Variants in MED7 observed in about 807,000 individuals in gnomAD.
The protein encoded by MED7 is mediator of RNA polymerase II transcription subunit 7.
A neutral mutation model predicts 16.6 loss-of-function variants in MED7; 7 were observed. The ratio of observed to expected loss-of-function variants is 0.42; its 90% CI spans 0.24 to 0.79. The LOEUF is 0.79. Among genes scored for constraint, MED7 ranks in the 30% least tolerant of loss-of-function variants. The probability of loss-of-function intolerance (pLI) is 0.27; values close to 1 mark genes in which losing one functional copy is unlikely to be tolerated. For synonymous variants in MED7, 88 were observed against 90.5 expected (o/e 0.97, Z 0.16); for missense variants, 240 against 286.3 (o/e 0.84, Z 1.17).
Position 157,139,977 on chromosome 5 carries a change from C to G in MED7, c.-17-529G>C, listed in dbSNP as rs546820366. Among the ~76,000 whole-genome samples the G allele has an allele frequency of 1.5e-3, 223 of 152,298 alleles. 6 individuals are homozygous for G. Among genetic ancestry groups the G allele is most frequent in the Middle Eastern group, 3.4e-3 (1 of 294 alleles). The stretch of plus-strand genomic sequence containing the variant: ...ATTCAGTTCCATACCCTTTTTGTCA[C>G]AGTATACTATGCAATTTTATATGGA... On this transcript the variant is annotated intron_variant, in intron 1 of 1. Coordinates refer to ENST00000286317, the MANE Select transcript of MED7 (RefSeq NM_004270.5).
chr5:157,141,092 T>C (rs72807015), intron 1 of MED7, among the ~76,000 whole-genome samples: 5,496 of 152,334 alleles, frequency 0.036, 192 homozygotes, highest in African/African-American at 0.096. Context: ...ACATTTTTTT[T>C]TTCCCTGAGA....
In MED7 at chr5:157,138,892, T is replaced by C; in HGVS notation, c.540A>G (p.Ala180=). ...SLPDDLPHSE[A]GMRVKTEPMD... ...TTGGTTCAGTTTTTACTCTCATTCC[T>C]GCTTCTGAATGAGGCAAATCATCAG... Residue 180 remains alanine, a synonymous_variant, in exon 2 of 2, where the codon GCA becomes GCG. Transcript: ENST00000286317. The C allele has an allele frequency of 6.2e-7, 1 of 1,614,212 alleles. No individual in the cohort carries two copies. Among genetic ancestry groups the C allele is most frequent in the Non-Finnish European group, 8.5e-7 (1 of 1,180,038 alleles).
At chr5:157,141,457 T>C (rs1216086318) in intron 1 of MED7, among the ~76,000 whole-genome samples, 1 of 152,232 alleles carries the variant, frequency 6.6e-6, no homozygotes, top group Non-Finnish European at 1.5e-5. Flanking sequence ...TGTACTTTCC[T>C]ACACGATGTG....
At position 157,138,231 on chromosome 5, in the gene MED7, T is replaced by C. The variant is rs1403817882; in HGVS notation, c.*499A>G. 6.6e-6 allele frequency: 1 copy of C among 152,528 alleles called. No homozygotes were observed. Among genetic ancestry groups the C allele is most frequent in the Admixed American group, 6.5e-5 (1 of 15,286 alleles). 9.4% of individuals were successfully genotyped at this position (152,528 alleles called of 1,614,324 possible). On this transcript the variant is annotated 3_prime_UTR_variant, in exon 2 of 2. Coordinates refer to ENST00000286317, the MANE Select transcript of MED7 (RefSeq NM_004270.5). Reference sequence around the variant, plus strand: ...GCTAGTGGGTTTACAGAAGCAGTCATGAGGAAAAAATGAAGTTTCTATTTT... The same window carrying C: ...GCTAGTGGGTTTACAGAAGCAGTCACGAGGAAAAAATGAAGTTTCTATTTT...
Position 157,139,164 on chromosome 5 carries a change from A to C in MED7, c.268T>G (p.Leu90Val). The change falls in exon 2 of 2, where the codon TTG becomes GTG. Residue 90 changes from leucine to valine, a missense_variant. Leu to Val is a conservative substitution (Grantham distance 32). Transcript: ENST00000286317. ...CTTATTAAAATATCTAAAAGGTCCA[A>C]GAAATTAATAAGGATAGACATATTA... ...KLNMSILINF[L>V]DLLDILIRSP... 1 of 1,613,388 alleles carries C rather than the reference A, an allele frequency of 6.2e-7. No homozygotes were observed. Among genetic ancestry groups the C allele is most frequent in the South Asian group, 1.1e-5 (1 of 90,902 alleles).
intron 1 of MED7, 68 bp from the exon 2 acceptor site, chr5:157,139,516 G>T: frequency 1.0e-6 from 1 of 954,906 alleles, no homozygotes; most frequent in Non-Finnish European, 1.5e-6. Flanking sequence ...AACTACAGAT[G>T]GAATATTTTC....
chr5:157,141,902 T>C (rs1561633634), intron 1 of MED7, among the ~76,000 whole-genome samples: 1 of 152,132 alleles, frequency 6.6e-6, no homozygotes, highest in Non-Finnish European at 1.5e-5. Context: ...CGAATTAAGT[T>C]CTATTATCAA....
chr5:157,141,884 C>T (rs1757730242), intron 1 of MED7, among the ~76,000 whole-genome samples: 1 of 152,208 alleles, frequency 6.6e-6, no homozygotes, highest in South Asian at 2.1e-4. Flanking sequence ...AGCCACCACA[C>T]GGTCCCACGA....
At position 157,139,455 on chromosome 5, in the gene MED7, A is replaced by G; in HGVS notation, c.-17-7T>C. On this transcript the variant is annotated splice_polypyrimidine_tract_variant and splice_region_variant and intron_variant, in intron 1 of 1. Transcript: ENST00000286317. Reference sequence around the variant, plus strand: ...ATTGTGGACTATCAAGAACCTATGGACACAGACCAAAGATTTATTAGAGCC... The same window carrying G: ...ATTGTGGACTATCAAGAACCTATGGGCACAGACCAAAGATTTATTAGAGCC... The G allele has an allele frequency of 6.9e-7, 1 of 1,458,256 alleles. No homozygotes were observed. Among genetic ancestry groups the G allele is most frequent in the South Asian group, 1.5e-5 (1 of 67,940 alleles). The allele number at this position is 1,458,256 out of a possible 1,614,324, so 90.3% of individuals were successfully genotyped here. A position where few individuals can be genotyped will look rare whatever the true frequency, so the allele number is the denominator to read the frequency against.
intron 1 of MED7, 50 bp from the exon 2 acceptor site, chr5:157,139,498 C>T: frequency 9.4e-7 from 1 of 1,063,704 alleles, no homozygotes; most frequent in Non-Finnish European, 1.3e-6. Flanking sequence ...AAACCTGTTA[C>T]ATTTCATAAC....
chr5:157,138,541 G>T lies in MED7; in HGVS notation c.*189C>A. The T allele has an allele frequency of 1.8e-6, 1 of 541,544 alleles. No individual in the cohort carries two copies. The highest frequency in any genetic ancestry group is 3.2e-6 in the Non-Finnish European group (1 of 311,182). The allele number at this position is 541,544 out of a possible 1,614,324, so 33.5% of individuals were successfully genotyped here. On this transcript the variant is annotated 3_prime_UTR_variant, in exon 2 of 2. Transcript: ENST00000286317. ...TTTTAAAGTGATTCTTCTTAGTGCA[G>T]GGACACTCATTTGTCTATGCTTGTT... is the stretch of plus-strand genomic sequence containing the variant.
intron 1 of MED7, among the ~76,000 whole-genome samples, chr5:157,141,774 A>C (rs1379105504): frequency 6.6e-6 from 1 of 151,978 alleles, no homozygotes; most frequent in Admixed American, 6.6e-5. Flanking sequence ...ATTTCTCGGT[A>C]AAGACAGGTT....
chr5:157,141,692 G>A (rs1757727157), intron 1 of MED7, among the ~76,000 whole-genome samples: 1 of 151,980 alleles, frequency 6.6e-6, no homozygotes, highest in Non-Finnish European at 1.5e-5. Context: ...GGGTTCAAGG[G>A]ATTCTCCTGC....
chr5:157,142,197 TA>T (rs1170033626), intron 1 of MED7, among the ~76,000 whole-genome samples: 2 of 152,220 alleles, frequency 1.3e-5, no homozygotes, highest in African/African-American at 2.4e-5. Context: ...AGCTGGTTCT[TA>T]ACTCAAGATC....
intron 1 of MED7, among the ~76,000 whole-genome samples, 152 bp from the exon 2 acceptor site, chr5:157,139,600 G>C: frequency 6.6e-6 from 1 of 152,056 alleles, no homozygotes; most frequent in East Asian, 1.9e-4. Flanking sequence ...ATTTATGATA[G>C]GGAAAGTCTG....
Position 157,137,884 on chromosome 5 carries a change from G to A in MED7, c.*846C>T, listed in dbSNP as rs1446139329. The A allele has an allele frequency of 6.6e-6, 1 of 152,216 alleles. No homozygotes were observed. Among genetic ancestry groups the A allele is most frequent in the Non-Finnish European group, 1.5e-5 (1 of 68,052 alleles). 9.4% of individuals were successfully genotyped at this position (152,216 alleles called of 1,614,324 possible). A position where few individuals can be genotyped will look rare whatever the true frequency, so the allele number is the denominator to read the frequency against. ...TTCACCGCCTACGACTTAGTCATAT[G>A]TTCTCACAGAGATGCTGGGAGTAGG... On this transcript the variant is annotated 3_prime_UTR_variant, in exon 2 of 2. Coordinates refer to ENST00000286317, the MANE Select transcript of MED7 (RefSeq NM_004270.5).
At chr5:157,142,102 ATTTC>A (rs1331684617) in intron 1 of MED7, among the ~76,000 whole-genome samples, 2 of 152,132 alleles carry the variant, frequency 1.3e-5, no homozygotes, top group South Asian at 2.1e-4. Flanking sequence ...CAAAAATTAT[ATTTC>A]TTTCTCTACT....
chr5:157,138,588 T>C lies in MED7; in HGVS notation c.*142A>G. On this transcript the variant is annotated 3_prime_UTR_variant, in exon 2 of 2. Coordinates refer to ENST00000286317, the MANE Select transcript of MED7 (RefSeq NM_004270.5). The stretch of plus-strand genomic sequence containing the variant: ...TGTTATACAGCGAAATTACTGCCTA[T>C]GACATCTCATAATTGAAAAATTTGG... The C allele has an allele frequency of 1.5e-6, 1 of 662,314 alleles. No individual in the cohort carries two copies. The highest frequency in any genetic ancestry group is 2.5e-6 in the Non-Finnish European group (1 of 396,478). The allele number at this position is 662,314 out of a possible 1,614,324, so 41.0% of individuals were successfully genotyped here.
chr5:157,141,780 A>G (rs1757728449), intron 1 of MED7, among the ~76,000 whole-genome samples: 1 of 151,976 alleles, frequency 6.6e-6, no homozygotes, highest in Non-Finnish European at 1.5e-5. Context: ...CGGTAAAGAC[A>G]GGTTTTCACC....
Sources: allele counts gnomAD v4.1 joint callset (sites outside exome capture counted in the v4.1 genomes callset), GRCh38; gene constraint gnomAD v4.1.1; transcripts MANE v1.5; gene names NCBI Gene and HGNC (gene_info 2026-07-23, HGNC 2026-07-21).